The following CNTNAP2 variants were observed in gnomAD, a reference collection of about 807,000 sequenced individuals.
The protein encoded by CNTNAP2 is contactin-associated protein-like 2.
A neutral mutation model predicts 155.2 loss-of-function variants in CNTNAP2; 98 were observed. That is an observed-to-expected ratio of 0.63 (90% CI 0.54 to 0.75). The LOEUF (loss-of-function observed/expected upper bound fraction) is 0.75. Ranked by LOEUF, CNTNAP2 falls within the 30% of genes least tolerant of loss-of-function variation. The pLI is 0.00. For missense variants in CNTNAP2, 1,727 were observed against 1,688.1 expected (o/e 1.02, Z -0.40); for synonymous variants, 651 against 631.2 (o/e 1.03, Z -0.47).
intron 1 of CNTNAP2, among the ~76,000 whole-genome samples, chr7:146,300,976 A>T (rs1800598270): frequency 6.6e-6 from 1 of 152,168 alleles, no homozygotes; most frequent in African/African-American, 2.4e-5. Context: ...TGGACTGTTC[A>T]ACATAACAGA....
At chr7:147,197,336 C>A (rs1802826520) in intron 8 of CNTNAP2, among the ~76,000 whole-genome samples, 1 of 150,256 alleles carries the variant, frequency 6.7e-6, no homozygotes, top group South Asian at 2.2e-4. Context: ...CGGGCCTGCC[C>A]CCCCGCCCCC....
At chr7:147,948,516 GAA>G (rs34748487) in intron 14 of CNTNAP2, among the ~76,000 whole-genome samples, 3 of 139,556 alleles carry the variant, frequency 2.1e-5, no homozygotes, top group South Asian at 2.3e-4. Context: ...GCCATTCCAG[GAA>G]AAAAAAAAAG....
intron 14 of CNTNAP2, among the ~76,000 whole-genome samples, chr7:147,915,705 TA>T (rs11349544): frequency 0.38 from 53,410 of 140,768 alleles, 9,969 homozygotes; most frequent in African/African-American, 0.48. Flanking sequence ...AAGCTTTGTT[TA>T]AAAAAAAAAA....
At chr7:146,921,611 A>G (rs1280473327) in intron 3 of CNTNAP2, among the ~76,000 whole-genome samples, 1 of 152,082 alleles carries the variant, frequency 6.6e-6, no homozygotes, top group Non-Finnish European at 1.5e-5. Context: ...GTGCGGGGGA[A>G]TTCCCATTTA....
intron 13 of CNTNAP2, among the ~76,000 whole-genome samples, chr7:147,700,593 A>T (rs1796222063): frequency 6.6e-6 from 1 of 152,200 alleles, no homozygotes; most frequent in Non-Finnish European, 1.5e-5. Context: ...TATGAGTGCT[A>T]AATTGAAGAA....
rs565298337 is a variant in CNTNAP2, at chr7:147,099,617, G to C, written c.551-8530G>C. Among the ~76,000 whole-genome samples, 5 of 152,200 alleles carry C rather than the reference G, an allele frequency of 3.3e-5. No homozygotes were observed. The South Asian group carries it at 1.0e-3, about 32-fold the overall frequency. ...GTAACTAAACTGCTATCTTTATATA[G>C]TATCAAAATTTGGACAGAACACTGA... On this transcript the variant is annotated intron_variant, in intron 4 of 23. Coordinates refer to ENST00000361727, the MANE Select transcript of CNTNAP2 (RefSeq NM_014141.6).
intron 1 of CNTNAP2, among the ~76,000 whole-genome samples, chr7:146,382,618 C>T (rs559791763): frequency 2.0e-5 from 3 of 152,168 alleles, no homozygotes; most frequent in East Asian, 1.9e-4. Context: ...AGATAAGTAA[C>T]ATTTAAAAAT....
chr7:147,832,352 A>G (rs1029105425), intron 13 of CNTNAP2, among the ~76,000 whole-genome samples: 2 of 146,546 alleles, frequency 1.4e-5, no homozygotes, highest in Admixed American at 6.9e-5. Context: ...ATATCTATAT[A>G]CATAATATAT....
chr7:147,899,525 A>G (rs1259162563), intron 13 of CNTNAP2, among the ~76,000 whole-genome samples: 2 of 152,160 alleles, frequency 1.3e-5, no homozygotes, highest in Non-Finnish European at 2.9e-5. Flanking sequence ...ACACTTTAAA[A>G]GTTGTCAAGA....
At chr7:148,405,696 A>G (rs1799688924) in intron 22 of CNTNAP2, among the ~76,000 whole-genome samples, 1 of 130,892 alleles carries the variant, frequency 7.6e-6, no homozygotes, top group Admixed American at 8.6e-5. Flanking sequence ...GCTCACTGCA[A>G]CCTCTGCCTC....
chr7:146,147,677 T>A (rs1444016498), intron 1 of CNTNAP2, among the ~76,000 whole-genome samples: 4 of 152,268 alleles, frequency 2.6e-5, no homozygotes, highest in African/African-American at 9.6e-5. Flanking sequence ...TCAGTGACTC[T>A]AAGGAGGATT....
rs961851619 is a variant in CNTNAP2 at position 146,144,539 on chromosome 7, C to T, written c.97+27566C>T. ...CCTTCCTGTTCCCAGGCTAAAATTA[C>T]TCTTTTGAGTTAGTGGATGAGTGTA... is the stretch of plus-strand genomic sequence containing the variant. On this transcript the variant is annotated intron_variant, in intron 1 of 23. Transcript: ENST00000361727. Among the ~76,000 whole-genome samples the T allele has an allele frequency of 1.4e-4, 21 of 152,174 alleles. No individual in the cohort carries two copies. The East Asian group carries it at 1.9e-3, about 14-fold the overall frequency.
At chr7:146,360,066 T>C (rs1056585912) in intron 1 of CNTNAP2, among the ~76,000 whole-genome samples, 2 of 152,212 alleles carry the variant, frequency 1.3e-5, no homozygotes, top group African/African-American at 4.8e-5. Flanking sequence ...TTAGCCTGTG[T>C]AAGCTTTAGG....
chr7:148,007,794 T>C (rs762392742), intron 15 of CNTNAP2, among the ~76,000 whole-genome samples: 19 of 152,276 alleles, frequency 1.2e-4, no homozygotes, highest in Admixed American at 3.9e-4. Flanking sequence ...TTACTTGCAT[T>C]CCATACTCAT....
At chr7:147,570,888 G>A (rs879553753) in intron 12 of CNTNAP2, among the ~76,000 whole-genome samples, 23 of 152,242 alleles carry the variant, frequency 1.5e-4, no homozygotes, top group African/African-American at 3.6e-4. Flanking sequence ...TCTGTAGTAC[G>A]ATTTGCAATA....
chr7:148,223,042 AT>A (rs1367678035), intron 19 of CNTNAP2, among the ~76,000 whole-genome samples: 3 of 152,206 alleles, frequency 2.0e-5, no homozygotes, highest in Non-Finnish European at 4.4e-5. Context: ...TTCAATCTAC[AT>A]TCTAACGCAT....
At chr7:146,396,065 CT>C (rs1292379443) in intron 1 of CNTNAP2, among the ~76,000 whole-genome samples, 1 of 152,094 alleles carries the variant, frequency 6.6e-6, no homozygotes, top group Non-Finnish European at 1.5e-5. Flanking sequence ...AATTATCATA[CT>C]TTTTCCCCTT....
At chr7:147,314,645 TA>T (rs60543561) in intron 9 of CNTNAP2, among the ~76,000 whole-genome samples, 75,386 of 148,338 alleles carry the variant, frequency 0.51, 20,771 homozygotes, top group Non-Finnish European at 0.59. Flanking sequence ...AAGTCAGCAA[TA>T]AAAAAAAAAA....
chr7:147,816,753 T>G (rs1798272536), intron 13 of CNTNAP2, among the ~76,000 whole-genome samples: 1 of 152,188 alleles, frequency 6.6e-6, no homozygotes, highest in Admixed American at 6.5e-5. Flanking sequence ...ATGGAAATAT[T>G]GCAGTTCATT....
Sources: gnomAD v4.1 joint callset for allele counts (sites outside exome capture counted in the v4.1 genomes callset) on GRCh38, gnomAD v4.1.1 for gene constraint, MANE v1.5 for transcripts, NCBI Gene and HGNC (gene_info 2026-07-23, HGNC 2026-07-21) for gene names.